ONECUT3: variants seen among roughly 807,000 people sequenced by gnomAD.
The protein encoded by ONECUT3 is one cut homeobox 3, also known as one cut domain family member 3.
Under a neutral mutation model 16.8 loss-of-function variants are expected in ONECUT3, and 11 were observed. The observed-to-expected ratio is 0.66, with a 90% CI of 0.41 to 1.09. ONECUT3 has a LOEUF of 1.09. ONECUT3 is among the 50% of genes least tolerant of loss of function. The pLI, the probability that ONECUT3 is intolerant of heterozygous loss-of-function variation, is 0.00. For missense variants in ONECUT3, 637 were observed against 629.9 expected (o/e 1.01, Z -0.12); for synonymous variants, 344 against 310.7 (o/e 1.11, Z -1.13).
Position 1,754,907 on chromosome 19 carries a change from C to A in ONECUT3, c.1192+53C>A, listed in dbSNP as rs144345336. 7.7e-7 allele frequency: 1 copy of A among 1,303,666 alleles called. No homozygotes were observed. Among genetic ancestry groups the A allele is most frequent in the Non-Finnish European group, 9.8e-7 (1 of 1,022,500 alleles). 80.8% of individuals were successfully genotyped at this position (1,303,666 alleles called of 1,614,324 possible). ...CCTGGGGGCGCCGGCTCTGGACTCC[C>A]GAGCACCTAGCGGGGCGGCGGCCGA... is the stretch of plus-strand genomic sequence containing the variant. On this transcript the variant is annotated intron_variant, in intron 1 of 1. Transcript: ENST00000382349. The surrounding 1 kb of genome is among the most constrained non-coding windows in gnomAD (Gnocchi z 7.4).
Position 1,758,177 on chromosome 19 carries a change from C to T in ONECUT3, c.1192+3323C>T, listed in dbSNP as rs1437542242. Reference sequence around the variant, plus strand: ...GAGATGGAGAGAGAGGGAGGGGTCGCGAGACAAAACCAGAGAGTGGGGAGG... The same window carrying T: ...GAGATGGAGAGAGAGGGAGGGGTCGTGAGACAAAACCAGAGAGTGGGGAGG... On this transcript the variant is annotated intron_variant, in intron 1 of 1. Coordinates refer to ENST00000382349, the MANE Select transcript of ONECUT3 (RefSeq NM_001080488.2). The surrounding 1 kb of genome is among the most constrained non-coding windows in gnomAD (Gnocchi z 5.9). Among the ~76,000 whole-genome samples, 1 of 150,838 alleles carries T rather than the reference C, an allele frequency of 6.6e-6. No homozygotes were observed. Among genetic ancestry groups the T allele is most frequent in the Non-Finnish European group, 1.5e-5 (1 of 67,804 alleles).
At chr19:1,761,045 C>CTTTTTT (rs547570248) in intron 1 of ONECUT3, among the ~76,000 whole-genome samples, 2 of 84,044 alleles carry the variant, frequency 2.4e-5, no homozygotes, top group Non-Finnish European at 2.2e-5. Flanking sequence ...CATTCCTGCT[C>CTTTTTT]TTTTTTTTTT....
At chr19:1,767,771 G>A (rs1365843204) in intron 1 of ONECUT3, among the ~76,000 whole-genome samples, 1 of 152,238 alleles carries the variant, frequency 6.6e-6, no homozygotes, top group Non-Finnish European at 1.5e-5. Context: ...GCAGGCCCAG[G>A]ACGGTGCCCT....
chr19:1,769,582 G>T (rs905051994), intron 1 of ONECUT3, among the ~76,000 whole-genome samples: 4 of 146,048 alleles, frequency 2.7e-5, no homozygotes, highest in Non-Finnish European at 6.1e-5. Context: ...TAGGATTGGT[G>T]TGGGGGTGAA....
chr19:1,760,498 G>A (rs2067940959), intron 1 of ONECUT3, among the ~76,000 whole-genome samples: 1 of 152,062 alleles, frequency 6.6e-6, no homozygotes, highest in African/African-American at 2.4e-5. Context: ...TGACCGGCCA[G>A]TTCCACCTCC....
rs12973561 is a variant in ONECUT3, at chr19:1,759,465, G to A, written c.1192+4611G>A. ...CCCCACCCAAACTCTGGATGAAGGG[G>A]AGGGATGAGCAGGGAGAGGAGGAGG... On this transcript the variant is annotated intron_variant, in intron 1 of 1. Coordinates refer to ENST00000382349, the MANE Select transcript of ONECUT3 (RefSeq NM_001080488.2). This position sits in a 1 kb window ranked among gnomAD's most constrained non-coding sequence, Gnocchi z 4.1. Among the ~76,000 whole-genome samples the A allele has an allele frequency of 2.6e-5, 4 of 151,428 alleles. No homozygotes were observed. The highest frequency in any genetic ancestry group is 2.1e-4 in the South Asian group (1 of 4,772).
Position 1,754,223 on chromosome 19 carries a change from C to A in ONECUT3, c.561C>A (p.Pro187=). ...CCTCCGTGGGCCACCTCTACGGACC[C>A]TACGGCAAGGAGCTGCCCGCCATGG... ...ALASVGHLYG[P]YGKELPAMGS... is the part of the protein sequence containing the mutation. The change falls in exon 1 of 2, where the codon CCC becomes CCA. Residue 187 remains proline, a synonymous_variant. Coordinates refer to ENST00000382349, the MANE Select transcript of ONECUT3 (RefSeq NM_001080488.2). This position sits in a 1 kb window ranked among gnomAD's most constrained non-coding sequence, Gnocchi z 7.4. The A allele has an allele frequency of 8.9e-7, 1 of 1,128,120 alleles. No individual in the cohort carries two copies. The allele number at this position is 1,128,120 out of a possible 1,614,324, so 69.9% of individuals were successfully genotyped here. A position where few individuals can be genotyped will look rare whatever the true frequency, so the allele number is the denominator to read the frequency against.
intron 1 of ONECUT3, among the ~76,000 whole-genome samples, chr19:1,769,551 G>T (rs1424933096): frequency 6.6e-6 from 1 of 151,942 alleles, no homozygotes; most frequent in Non-Finnish European, 1.5e-5. Flanking sequence ...ATGGCCTCTG[G>T]GTTGGCACAG....
At position 1,760,364 on chromosome 19, in the gene ONECUT3, G is replaced by A. The variant is rs546122162; in HGVS notation, c.1192+5510G>A. 5.3e-5 allele frequency among the ~76,000 whole-genome samples: 8 copies of A among 151,762 alleles called. No individual in the cohort carries two copies. The East Asian group carries it at 1.2e-3, about 22-fold the overall frequency. Reference sequence around the variant, plus strand: ...TGGGGGAGCATTCCAGGAAGGTGACGCTTCGGGACGAAGTCTTGGAGGTGT... The same window carrying A: ...TGGGGGAGCATTCCAGGAAGGTGACACTTCGGGACGAAGTCTTGGAGGTGT... On this transcript the variant is annotated intron_variant, in intron 1 of 1. Transcript: ENST00000382349.
At chr19:1,756,694 TA>T (rs2067917768) in intron 1 of ONECUT3, among the ~76,000 whole-genome samples, 2 of 81,664 alleles carry the variant, frequency 2.4e-5, no homozygotes, top group Non-Finnish European at 4.8e-5. Context: ...CACGCCTGGC[TA>T]TTTTTTTTTT....
rs369321033 is a variant in ONECUT3 at position 1,767,270 on chromosome 19, G to A, written c.1193-7883G>A. ...CTGGGAGCCTCTTGTTAGCCCTGCC[G>A]TATTCATTCAGGACTTTTCTGGCTA... On this transcript the variant is annotated intron_variant, in intron 1 of 1. Coordinates refer to ENST00000382349, the MANE Select transcript of ONECUT3 (RefSeq NM_001080488.2). Among the ~76,000 whole-genome samples, 533 of 152,160 alleles carry A rather than the reference G, an allele frequency of 3.5e-3. 9 individuals are homozygous for A. The highest frequency in any genetic ancestry group is 0.032 in the South Asian group (156 of 4,812).
At chr19:1,772,912 C>G (rs1489919947) in intron 1 of ONECUT3, among the ~76,000 whole-genome samples, 1 of 146,932 alleles carries the variant, frequency 6.8e-6, no homozygotes, top group Non-Finnish European at 1.5e-5. Context: ...ACCGTGTTAG[C>G]CAGGATGGTC....
intron 1 of ONECUT3, among the ~76,000 whole-genome samples, chr19:1,757,867 G>A (rs1165878141): frequency 6.6e-6 from 1 of 152,168 alleles, no homozygotes; most frequent in Non-Finnish European, 1.5e-5. Context: ...AGGGAACTCT[G>A]CCCCCGCCCC....
Position 1,753,826 on chromosome 19 carries a change from ACGGCGGCGGCGG to A in ONECUT3, c.174_185del (p.Gly61_Gly64del). 1.0e-6 allele frequency: 1 copy of A among 957,968 alleles called. No individual in the cohort carries two copies. The highest frequency in any genetic ancestry group is 1.2e-6 in the Non-Finnish European group (1 of 810,114). 59.3% of individuals were successfully genotyped at this position (957,968 alleles called of 1,614,324 possible). A position where few individuals can be genotyped will look rare whatever the true frequency, so the allele number is the denominator to read the frequency against. On this transcript the variant is annotated inframe_deletion, in exon 1 of 2. Coordinates refer to ENST00000382349, the MANE Select transcript of ONECUT3 (RefSeq NM_001080488.2). The stretch of plus-strand genomic sequence containing the variant: ...GTGGCCGGCATGGCGAGCCTGCTGG[ACGGCGGCGGCGG>A]CGGCGGCGGTGGGGGCGCCGGGGGC...
chr19:1,769,124 A>G (rs2068029253), intron 1 of ONECUT3, among the ~76,000 whole-genome samples: 2 of 107,064 alleles, frequency 1.9e-5, no homozygotes, highest in South Asian at 3.6e-4. Flanking sequence ...GGTGGAGGTG[A>G]TGGAGATGGA....
Position 1,753,512 on chromosome 19 carries a change from T to A in ONECUT3, c.-151T>A, listed in dbSNP as rs2067899054. The A allele has an allele frequency of 4.7e-6, 1 of 212,424 alleles. No homozygotes were observed. 13.2% of individuals were successfully genotyped at this position (212,424 alleles called of 1,614,324 possible). ...CGGCGGCCGCTCCCCTGCCACATCC[T>A]GGTGGCCGCGCTCGCAGCCGGGCCG... On this transcript the variant is annotated 5_prime_UTR_variant, in exon 1 of 2. Coordinates refer to ENST00000382349, the MANE Select transcript of ONECUT3 (RefSeq NM_001080488.2).
In ONECUT3 at chr19:1,768,287, G is replaced by A. The variant is rs548820973; in HGVS notation, c.1193-6866G>A. On this transcript the variant is annotated intron_variant, in intron 1 of 1. Coordinates refer to ENST00000382349, the MANE Select transcript of ONECUT3 (RefSeq NM_001080488.2). ...GAGACTAGAAGGAGCTGAGGGGGGC[G>A]GGAGGGGACTTGGGGAAGAGCAACC... 6.2e-4 allele frequency among the ~76,000 whole-genome samples: 94 copies of A among 152,174 alleles called. 1 individual carries two copies. In the South Asian group the frequency reaches 0.014, roughly 23 times the overall value.
In ONECUT3 at chr19:1,764,832, G is replaced by T. The variant is rs1163573320; in HGVS notation, c.1192+9978G>T. Among the ~76,000 whole-genome samples, 5 of 144,772 alleles carry T rather than the reference G, an allele frequency of 3.5e-5. No homozygotes were observed. Among genetic ancestry groups the T allele is most frequent in the African/African-American group, 5.1e-5 (2 of 39,248 alleles). The allele number at this position is 144,772 out of a possible 152,430, so 95.0% of individuals were successfully genotyped here. Reference sequence around the variant, plus strand: ...GATGCGCAGGGGGGACAAGACACCAGCATGGGGGTGGGGGGCATCAGTACA... The same window carrying T: ...GATGCGCAGGGGGGACAAGACACCATCATGGGGGTGGGGGGCATCAGTACA... On this transcript the variant is annotated intron_variant, in intron 1 of 1. Coordinates refer to ENST00000382349, the MANE Select transcript of ONECUT3 (RefSeq NM_001080488.2). The surrounding 1 kb of genome is among the most constrained non-coding windows in gnomAD (Gnocchi z 5.0).
At position 1,775,594 on chromosome 19, in the gene ONECUT3, A is replaced by G; in HGVS notation, c.*149A>G. ...GGCCCCCCACACCCGGGGAGGGGGAAGCAGCACACCCCCCAGCCCAAGTGC... is the reference window on the plus strand; with the variant it reads ...GGCCCCCCACACCCGGGGAGGGGGAGGCAGCACACCCCCCAGCCCAAGTGC... On this transcript the variant is annotated 3_prime_UTR_variant, in exon 2 of 2. Coordinates refer to ENST00000382349, the MANE Select transcript of ONECUT3 (RefSeq NM_001080488.2). The G allele has an allele frequency of 4.4e-6, 3 of 683,700 alleles. No individual in the cohort carries two copies. 42.4% of individuals were successfully genotyped at this position (683,700 alleles called of 1,614,324 possible).
Sources: gnomAD v4.1 joint callset for allele counts (sites outside exome capture counted in the v4.1 genomes callset) on GRCh38, gnomAD v4.1.1 for gene constraint, Gnocchi (gnomAD v3.1) non-coding constraint, MANE v1.5 for transcripts, NCBI Gene and HGNC (gene_info 2026-07-23, HGNC 2026-07-21) for gene names.